The following EXOC4 variants were observed in gnomAD, a reference collection of about 807,000 sequenced individuals.
EXOC4 encodes SEC8-like 1.
Under a neutral mutation model 107.2 loss-of-function variants are expected in EXOC4, and 71 were observed. That is an observed-to-expected ratio of 0.66 (90% confidence interval 0.55 to 0.81). The LOEUF (loss-of-function observed/expected upper bound fraction) is 0.81. Among genes scored for constraint, EXOC4 ranks in the 30% least tolerant of loss-of-function variants. EXOC4 has a pLI of 0.00. For synonymous variants in EXOC4, 456 were observed against 441.2 expected (o/e 1.03, Z -0.42); for missense variants, 1,108 against 1,189.6 (o/e 0.93, Z 1.01).
At chr7:133,946,153 T>C (rs894339273) in intron 14 of EXOC4, among the ~76,000 whole-genome samples, 1 of 152,342 alleles carries the variant, frequency 6.6e-6, no homozygotes, top group African/African-American at 2.4e-5. Context: ...GGTTAGACTT[T>C]CCGTGCCCTT....
intron 9 of EXOC4, among the ~76,000 whole-genome samples, chr7:133,592,162 A>G (rs2150979135): frequency 1.3e-5 from 2 of 152,256 alleles, no homozygotes; most frequent in South Asian, 2.1e-4. Context: ...CCTGTGCTCA[A>G]GTGATCTTCC....
rs539763470 is a variant in EXOC4, at chr7:133,296,298, ATTATG to A, written c.471+7186_471+7190del. On this transcript the variant is annotated intron_variant, in intron 3 of 17. Transcript: ENST00000253861. ...ATGGTGAACAAATAGTGTCTCTCAT[ATTATG>A]TTAAGTACTATGGAGAAAGCTACAA... Among the ~76,000 whole-genome samples the A allele has an allele frequency of 1.4e-3, 216 of 152,232 alleles. 1 individual carries two copies. The highest frequency in any genetic ancestry group is 2.3e-3 in the Non-Finnish European group (157 of 67,998).
chr7:133,564,974 G>T (rs1361433776), intron 9 of EXOC4, among the ~76,000 whole-genome samples: 2 of 152,122 alleles, frequency 1.3e-5, no homozygotes, highest in Non-Finnish European at 2.9e-5. Flanking sequence ...GACAACCTCG[G>T]GGTCTAACAT....
chr7:133,434,143 C>G (rs1563064368), intron 7 of EXOC4, among the ~76,000 whole-genome samples: 1 of 152,088 alleles, frequency 6.6e-6, no homozygotes. Context: ...GATGCCAATC[C>G]TACTGTGTAG....
chr7:133,921,751 A>G (rs1171137250), intron 13 of EXOC4, among the ~76,000 whole-genome samples: 2 of 152,036 alleles, frequency 1.3e-5, no homozygotes, highest in South Asian at 2.1e-4. Context: ...AGTAATTTTC[A>G]GTTACTATTG....
At chr7:133,634,275 T>A (rs1339460384) in intron 10 of EXOC4, among the ~76,000 whole-genome samples, 1 of 152,146 alleles carries the variant, frequency 6.6e-6, no homozygotes, top group East Asian at 1.9e-4. Flanking sequence ...ATTTGTTCAT[T>A]CCCCATTAAC....
chr7:133,428,645 A>G (rs1797781550), intron 7 of EXOC4, among the ~76,000 whole-genome samples: 1 of 152,240 alleles, frequency 6.6e-6, no homozygotes. Flanking sequence ...TAAATCAGGA[A>G]ACGGATTCAA....
chr7:133,783,617 C>T (rs1482784701), intron 10 of EXOC4, among the ~76,000 whole-genome samples: 6 of 152,084 alleles, frequency 3.9e-5, no homozygotes, highest in South Asian at 2.1e-4. Context: ...AGTGTGTATT[C>T]GGTGAACTGT....
At chr7:133,793,833 ACT>A (rs1205791100) in intron 10 of EXOC4, among the ~76,000 whole-genome samples, 2 of 137,728 alleles carry the variant, frequency 1.5e-5, no homozygotes, top group East Asian at 2.2e-4. Flanking sequence ...ACAGAGGGAG[ACT>A]CTGTCACACA....
intron 6 of EXOC4, among the ~76,000 whole-genome samples, chr7:133,359,831 A>G (rs1404722771): frequency 6.6e-6 from 1 of 152,208 alleles, no homozygotes; most frequent in Non-Finnish European, 1.5e-5. Flanking sequence ...CAGTTTTTTA[A>G]AAAATCACTT....
In EXOC4 at chr7:133,490,779, A is replaced by G. The variant is rs541916562; in HGVS notation, c.1417+10641A>G. Among the ~76,000 whole-genome samples, 33 of 152,350 alleles carry G rather than the reference A, an allele frequency of 2.2e-4. No homozygotes were observed. The South Asian group carries it at 3.5e-3, about 16-fold the overall frequency. ...GTGATATGGGAAAATAAAGGTCATT[A>G]TTATACCTGAGCAAAGAATAAATGT... On this transcript the variant is annotated intron_variant, in intron 9 of 17. Transcript: ENST00000253861.
intron 7 of EXOC4, among the ~76,000 whole-genome samples, chr7:133,403,056 T>A (rs1403591264): frequency 6.6e-6 from 1 of 151,856 alleles, no homozygotes; most frequent in East Asian, 1.9e-4. Context: ...AGCTAATTTT[T>A]TTATTTGTAC....
chr7:133,988,654 T>G (rs545858641), intron 14 of EXOC4, among the ~76,000 whole-genome samples: 1 of 152,134 alleles, frequency 6.6e-6, no homozygotes, highest in Non-Finnish European at 1.5e-5. Context: ...GAAAAGACTT[T>G]CTGAGCCAGA....
intron 10 of EXOC4, among the ~76,000 whole-genome samples, chr7:133,790,771 C>G (rs150483124): frequency 1.4e-4 from 22 of 152,350 alleles, no homozygotes; most frequent in African/African-American, 5.3e-4. Context: ...GAGTTTCATG[C>G]TGCACGCAGC....
At chr7:134,038,666 G>A (rs1468167423) in intron 17 of EXOC4, among the ~76,000 whole-genome samples, 1 of 151,818 alleles carries the variant, frequency 6.6e-6, no homozygotes, top group African/African-American at 2.4e-5. Flanking sequence ...TTTACCTTAT[G>A]TTCCTTCGCT....
chr7:133,984,033 C>G (rs559670720), intron 14 of EXOC4, among the ~76,000 whole-genome samples: 2 of 152,296 alleles, frequency 1.3e-5, no homozygotes, highest in African/African-American at 4.8e-5. Context: ...CTCCCCAGGA[C>G]TGAAAGACAC....
At chr7:133,359,522 C>CA (rs1563034344) in intron 6 of EXOC4, among the ~76,000 whole-genome samples, 1 of 151,912 alleles carries the variant, frequency 6.6e-6, no homozygotes, top group African/African-American at 2.4e-5. Flanking sequence ...GAACAGAGAC[C>CA]AAAAAATCCA....
At chr7:133,924,670 A>G (rs1337800679) in intron 13 of EXOC4, among the ~76,000 whole-genome samples, 2 of 152,230 alleles carry the variant, frequency 1.3e-5, no homozygotes, top group Non-Finnish European at 2.9e-5. Flanking sequence ...ATTATATACC[A>G]TCCCAGATCA....
chr7:133,467,584 CT>C (rs35955637), intron 7 of EXOC4, among the ~76,000 whole-genome samples: 183 of 122,630 alleles, frequency 1.5e-3, no homozygotes, highest in East Asian at 3.5e-3. Flanking sequence ...ATTACAGATT[CT>C]TTTTTTTTTT....
Sources: gnomAD v4.1 joint callset for allele counts (sites outside exome capture counted in the v4.1 genomes callset) on GRCh38, gnomAD v4.1.1 for gene constraint, MANE v1.5 for transcripts, NCBI Gene and HGNC (gene_info 2026-07-23, HGNC 2026-07-21) for gene names.